TMCO6: variants seen among roughly 807,000 people sequenced by gnomAD.
TMCO6 encodes the protein transmembrane and coiled-coil domain-containing protein 6.
A neutral mutation model predicts 61.8 loss-of-function variants in TMCO6; 47 were observed. The observed-to-expected ratio is 0.76, with a 90% confidence interval of 0.60 to 0.97. The LOEUF (loss-of-function observed/expected upper bound fraction) is 0.97, where lower values mean the gene tolerates loss of function less well. Ranked by LOEUF, TMCO6 falls within the 50% of genes least tolerant of loss-of-function variation. The pLI, the probability that TMCO6 is intolerant of heterozygous loss-of-function variation, is 0.00. For missense variants in TMCO6, 557 were observed against 601.6 expected (o/e 0.93, Z 0.78); for synonymous variants, 261 against 254.2 (o/e 1.03, Z -0.25).
Position 140,639,484 on chromosome 5 carries a change from G to C in TMCO6, c.-44G>C. 1.3e-6 allele frequency: 2 copies of C among 1,536,492 alleles called. No homozygotes were observed. The highest frequency in any genetic ancestry group is 1.2e-5 in the South Asian group (1 of 83,306). On this transcript the variant is annotated 5_prime_UTR_variant, in exon 1 of 12. Transcript: ENST00000394671. ...TGCCATCTTCTACGCCCCTGGGAGCGTTGTGGCTGCTGTTTCCTTCGGCTT... is the reference window on the plus strand; with the variant it reads ...TGCCATCTTCTACGCCCCTGGGAGCCTTGTGGCTGCTGTTTCCTTCGGCTT...
the TMCO6 span, among the ~76,000 whole-genome samples, chr5:140,633,920 C>T: frequency 6.6e-6 from 1 of 151,668 alleles, no homozygotes; most frequent in Non-Finnish European, 1.5e-5. Context: ...TCCCGAGTAG[C>T]TGGGATTACA....
At chr5:140,623,598 T>C in the TMCO6 span, among the ~76,000 whole-genome samples, 1 of 152,192 alleles carries the variant, frequency 6.6e-6, no homozygotes, top group Non-Finnish European at 1.5e-5. Context: ...GACAAATAAT[T>C]AAGTTTAAGC....
intron 2 of TMCO6, chr5:140,641,022 CTG>C (rs142748148): frequency 1.4e-4 from 22 of 154,674 alleles, no homozygotes; most frequent in African/African-American, 5.0e-4. Context: ...TGCCAGGACA[CTG>C]TGCTGGTCAC....
At chr5:140,634,482 CTTTTTTTTTTTTTTTTTTTTTGAGACTG>C (rs1413654297), upstream of TMCO6, among the ~76,000 whole-genome samples, 176 of 110,890 alleles carry the variant, frequency 1.6e-3, no homozygotes, top group Non-Finnish European at 2.4e-3. Flanking sequence ...ATATGAAAGT[CTTTTTTTTTTTTTTTTTTTTTGAGACTG>C]AGTTTGGCTC....
At chr5:140,646,011 T>C (rs943282327), downstream of TMCO6, among the ~76,000 whole-genome samples, 11 of 48,362 alleles carry the variant, frequency 2.3e-4, no homozygotes, top group Middle Eastern at 6.5e-3. Flanking sequence ...TTCTCTCTCT[T>C]TTTTTTTTTT....
the TMCO6 span, chr5:140,632,467 T>G: frequency 6.2e-7 from 1 of 1,614,158 alleles, no homozygotes; most frequent in Non-Finnish European, 8.5e-7. The surrounding 1 kb of genome is among the most constrained non-coding windows in gnomAD (Gnocchi z 6.2). Flanking sequence ...CTCAGTACCT[T>G]GAGGCCTGGC....
upstream of TMCO6, among the ~76,000 whole-genome samples, chr5:140,635,976 G>A (rs879621124): frequency 1.8e-4 from 27 of 152,288 alleles, no homozygotes; most frequent in Non-Finnish European, 3.5e-4. Context: ...CCCACCTGGA[G>A]CACATGTGGG....
chr5:140,596,622 A>G, the TMCO6 span, among the ~76,000 whole-genome samples: 1 of 152,176 alleles, frequency 6.6e-6, no homozygotes, highest in African/African-American at 2.4e-5. Flanking sequence ...TGTGAATGCA[A>G]CATCCAGTGA....
At chr5:140,630,316 A>ATT in the TMCO6 span, among the ~76,000 whole-genome samples, 235 of 149,492 alleles carry the variant, frequency 1.6e-3, 1 homozygote, top group African/African-American at 4.6e-3. Context: ...TTTAAAAAAA[A>ATT]TTTTTTTTTT....
At chr5:140,600,190 G>T in the TMCO6 span, among the ~76,000 whole-genome samples, 3,296 of 152,208 alleles carry the variant, frequency 0.022, 113 homozygotes, top group African/African-American at 0.076. Flanking sequence ...TATAGTGGAA[G>T]TTTTACTTAA....
chr5:140,643,717 G>T, intron 8 of TMCO6, 42 bp downstream of exon 8: 1 of 1,605,380 alleles, frequency 6.2e-7, no homozygotes, highest in African/African-American at 1.3e-5. Context: ...GATGTTTCTT[G>T]ATACTCTGGA....
At chr5:140,630,746 T>C in the TMCO6 span, among the ~76,000 whole-genome samples, 1 of 152,186 alleles carries the variant, frequency 6.6e-6, no homozygotes. Flanking sequence ...ATATTTTGAG[T>C]CTGGTTCTGG....
At chr5:140,642,478 C>T (rs1339306309) in intron 5 of TMCO6, 59 bp downstream of exon 5, 3 of 1,603,602 alleles carry the variant, frequency 1.9e-6, no homozygotes, top group Middle Eastern at 3.3e-4. Context: ...CATGCTCCAT[C>T]TACTTTGGTT....
chr5:140,628,480 C>G, the TMCO6 span, among the ~76,000 whole-genome samples: 1 of 151,848 alleles, frequency 6.6e-6, no homozygotes, highest in African/African-American at 2.4e-5. Context: ...ACTCTGTCAC[C>G]CAGGCTAGAG....
chr5:140,632,249 CGCCAGTGCGGCGCACACGCCTG>C, the TMCO6 span: 5 of 1,613,660 alleles, frequency 3.1e-6, no homozygotes, highest in East Asian at 1.1e-4. The surrounding 1 kb of genome is among the most constrained non-coding windows in gnomAD (Gnocchi z 6.2). Context: ...CACCTGCCGC[CGCCAGTGCGGCGCACACGCCTG>C]TGGGCGTCTC....
the TMCO6 span, among the ~76,000 whole-genome samples, chr5:140,612,890 T>C: frequency 1.3e-5 from 2 of 152,198 alleles, no homozygotes; most frequent in Non-Finnish European, 2.9e-5. Flanking sequence ...CAGCCCACTC[T>C]TCAATCAATC....
At chr5:140,629,983 A>G in the TMCO6 span, among the ~76,000 whole-genome samples, 2 of 151,348 alleles carry the variant, frequency 1.3e-5, no homozygotes, top group Non-Finnish European at 2.9e-5. Context: ...TCAATCCTCA[A>G]CAATATCTGC....
At position 140,643,555 on chromosome 5, in the gene TMCO6, G is replaced by A. The variant is rs774829544; in HGVS notation, c.807-9G>A. 2.5e-6 allele frequency: 4 copies of A among 1,613,140 alleles called. No individual in the cohort carries two copies. The South Asian group carries it at 3.3e-5, about 13-fold the overall frequency. On this transcript the variant is annotated splice_polypyrimidine_tract_variant and intron_variant, in intron 7 of 11. Transcript: ENST00000394671. ...TATACCTAGGGACTGCTTGCTTCCT[G>A]TTGCCCAGCCAGGTCAGCAATCCTC...
chr5:140,646,970 T>C (rs1042842383), downstream of TMCO6: 4 of 347,678 alleles, frequency 1.2e-5, no homozygotes, highest in Non-Finnish European at 2.1e-5. Flanking sequence ...GGAGAAACTA[T>C]ATTGACTAAC....
Sources: allele counts gnomAD v4.1 joint callset (sites outside exome capture counted in the v4.1 genomes callset), GRCh38; gene constraint gnomAD v4.1.1; non-coding constraint Gnocchi (gnomAD v3.1); transcripts MANE v1.5; gene names NCBI Gene and HGNC (gene_info 2026-07-23, HGNC 2026-07-21).